The following GALNT9 variants were observed in gnomAD, a reference collection of about 807,000 sequenced individuals.
GALNT9 encodes the protein polypeptide N-acetylgalactosaminyltransferase 9.
A neutral mutation model predicts 63.1 loss-of-function variants in GALNT9; 47 were observed. The observed-to-expected ratio is 0.75, with a 90% CI of 0.59 to 0.95. The LOEUF is 0.95. GALNT9 is among the 40% of genes least tolerant of loss of function. The pLI, the probability that GALNT9 is intolerant of heterozygous loss-of-function variation, is 0.00. For missense variants in GALNT9, 829 were observed against 874.8 expected (o/e 0.95, Z 0.66); for synonymous variants, 396 against 365.7 (o/e 1.08, Z -0.94).
rs143387148 is a variant in GALNT9 at position 132,254,165 on chromosome 12, G to A, written c.959+3524C>T. On this transcript the variant is annotated intron_variant, in intron 5 of 10. Transcript: ENST00000328957. ...GCCTCCCAAGTAGTTGGGATTACAG[G>A]CACCTGACACCACGCCCTGCGAATT... Among the ~76,000 whole-genome samples the A allele has an allele frequency of 3.5e-3, 534 of 152,114 alleles. 3 individuals are homozygous for A. Among genetic ancestry groups the A allele is most frequent in the African/African-American group, 0.012 (500 of 41,502 alleles).
Position 132,197,915 on chromosome 12 carries a change from C to T in GALNT9, c.1542G>A (p.Leu514=), listed in dbSNP as rs957607464. 6 of 1,611,536 alleles carry T rather than the reference C, an allele frequency of 3.7e-6. No homozygotes were observed. Among genetic ancestry groups the T allele is most frequent in the Admixed American group, 3.3e-5 (2 of 59,948 alleles). ...SADGLLQLGP[L]GSTAFLPDSK... ...AGTCAGGCAAGAAGGCTGTGGAGCC[C>T]AGAGGCCCCAGCTGCAGCAGTCCAT... The change falls in exon 10 of 11, where the codon CTG becomes CTA. Residue 514 remains leucine (L), a synonymous_variant. Transcript: ENST00000328957.
Position 132,310,468 on chromosome 12 carries a change from G to A in GALNT9, c.238+18498C>T, listed in dbSNP as rs1881773945. ...GGACGGGGCCGGCCATCTCCTGGAG[G>A]CTGAGAGCCCTCCGGGAAAGCAGGC... On this transcript the variant is annotated intron_variant, in intron 1 of 10. Transcript: ENST00000328957. The surrounding 1 kb of genome is among the most constrained non-coding windows in gnomAD (Gnocchi z 4.8). Among the ~76,000 whole-genome samples the A allele has an allele frequency of 6.6e-6, 1 of 152,152 alleles. No individual in the cohort carries two copies. Among genetic ancestry groups the A allele is most frequent in the African/African-American group, 2.4e-5 (1 of 41,426 alleles).
chr12:132,328,901 C>T (rs782528501), intron 1 of GALNT9, 65 bp downstream of exon 1: 143 of 1,423,660 alleles, frequency 1.0e-4, no homozygotes, highest in Non-Finnish European at 1.3e-4. Flanking sequence ...CCTGACCCAT[C>T]GCGCCCGGGG....
At chr12:132,293,329 A>G (rs1046671302) in intron 1 of GALNT9, among the ~76,000 whole-genome samples, 8 of 152,098 alleles carry the variant, frequency 5.3e-5, no homozygotes, top group Non-Finnish European at 1.0e-4. Flanking sequence ...TCCAGGGGGA[A>G]CTCTGGGCTC....
intron 7 of GALNT9, among the ~76,000 whole-genome samples, chr12:132,201,941 C>T (rs558127681): frequency 1.6e-3 from 247 of 152,284 alleles, no homozygotes; most frequent in African/African-American, 5.6e-3. Flanking sequence ...GACGGACAGC[C>T]AGCCCTGAGG....
At chr12:132,292,578 G>A (rs998878075) in intron 1 of GALNT9, among the ~76,000 whole-genome samples, 8 of 152,194 alleles carry the variant, frequency 5.3e-5, no homozygotes, top group South Asian at 4.1e-4. Flanking sequence ...CCCTGGCCCC[G>A]GCATTCACCC....
intron 6 of GALNT9, among the ~76,000 whole-genome samples, chr12:132,207,257 C>T (rs963196361): frequency 2.0e-5 from 3 of 152,180 alleles, no homozygotes; most frequent in Admixed American, 1.3e-4. Flanking sequence ...GGCTCAGCTC[C>T]GCAGGACAGG....
At chr12:132,254,649 C>T (rs949657562) in intron 5 of GALNT9, among the ~76,000 whole-genome samples, 2 of 152,146 alleles carry the variant, frequency 1.3e-5, no homozygotes, top group Admixed American at 6.5e-5. Context: ...CAAACTTACA[C>T]GAAGGTCAGG....
intron 1 of GALNT9, among the ~76,000 whole-genome samples, chr12:132,302,979 G>A (rs2135575822): frequency 1.3e-5 from 2 of 152,224 alleles, no homozygotes; most frequent in East Asian, 3.9e-4. Flanking sequence ...GGGGGGCGAG[G>A]GTGGAACCCA....
intron 6 of GALNT9, among the ~76,000 whole-genome samples, chr12:132,207,584 G>T (rs1876771860): frequency 6.6e-6 from 1 of 152,116 alleles, no homozygotes; most frequent in Non-Finnish European, 1.5e-5. Flanking sequence ...TCGGCCCTCG[G>T]GTCCCCCACC....
At chr12:132,298,944 C>A (rs1881182480) in intron 1 of GALNT9, among the ~76,000 whole-genome samples, 1 of 148,644 alleles carries the variant, frequency 6.7e-6, no homozygotes, top group Non-Finnish European at 1.5e-5. Context: ...CAGAGATAAA[C>A]AACCCACTCC....
chr12:132,272,861 C>G (rs1879918058), intron 2 of GALNT9: 3 of 152,300 alleles, frequency 2.0e-5, no homozygotes. Context: ...CTCTGGACCT[C>G]GTGTGCCTTC....
chr12:132,236,451 G>C lies in GALNT9; in HGVS notation c.1077+11459C>G, dbSNP rs1555236338. On this transcript the variant is annotated intron_variant, in intron 6 of 10. Coordinates refer to ENST00000328957, the MANE Select transcript of GALNT9 (RefSeq NM_001122636.2). The surrounding 1 kb of genome is among the most constrained non-coding windows in gnomAD (Gnocchi z 5.6). ...AGCTCCCTGAGGCCCCATAGCACCT[G>C]TCATCACGGCTGCCAGGGAGTCAGC... 6.6e-6 allele frequency among the ~76,000 whole-genome samples: 1 copy of C among 151,926 alleles called. No individual in the cohort carries two copies. The highest frequency in any genetic ancestry group is 1.5e-5 in the Non-Finnish European group (1 of 67,978).
chr12:132,197,042 A>T lies in GALNT9; in HGVS notation c.*65T>A. ...TGTGTCTGCCGGGCACACCCCGGTC[A>T]CTCAGCCACACTGGCTCGGCCCAGC... On this transcript the variant is annotated 3_prime_UTR_variant, in exon 11 of 11. Coordinates refer to ENST00000328957, the MANE Select transcript of GALNT9 (RefSeq NM_001122636.2). 6.3e-7 allele frequency: 1 copy of T among 1,591,518 alleles called. No homozygotes were observed. The highest frequency in any genetic ancestry group is 8.6e-7 in the Non-Finnish European group (1 of 1,166,460).
At chr12:132,313,237 C>G (rs1031446445) in intron 1 of GALNT9, among the ~76,000 whole-genome samples, 10 of 145,878 alleles carry the variant, frequency 6.9e-5, no homozygotes, top group African/African-American at 2.5e-4. Flanking sequence ...GCCCATCCAC[C>G]AACTCACCCA....
chr12:132,278,032 T>G (rs1880176922), intron 2 of GALNT9: 1 of 120,716 alleles, frequency 8.3e-6, no homozygotes, highest in Non-Finnish European at 1.7e-5. Context: ...CCCTCTCTGG[T>G]TTTTCTAAAC....
At chr12:132,205,065 A>C (rs192608613) in intron 6 of GALNT9, among the ~76,000 whole-genome samples, 531 of 152,252 alleles carry the variant, frequency 3.5e-3, no homozygotes, top group Non-Finnish European at 6.0e-3. Flanking sequence ...GCCTCTGCCC[A>C]GCTGAGCTCG....
Position 132,203,671 on chromosome 12 carries a change from C to T in GALNT9, c.1097G>A (p.Ser366Asn), listed in dbSNP as rs1169854538. ...GCGGGAGCAGGGCAGCACCTCCATG[C>T]TGCCGCCACACTGCCACACCTGCGG... ...LGMRVWQCGG[S>N]MEVLPCSRVA... The change falls in exon 7 of 11, where the codon AGC becomes AAC. Residue 366 changes from serine to asparagine, a missense_variant. Ser to Asn is a conservative substitution (Grantham distance 46). Coordinates refer to ENST00000328957, the MANE Select transcript of GALNT9 (RefSeq NM_001122636.2). The T allele has an allele frequency of 1.2e-6, 2 of 1,612,966 alleles. No individual in the cohort carries two copies. Among genetic ancestry groups the T allele is most frequent in the Non-Finnish European group, 1.7e-6 (2 of 1,179,686 alleles).
At chr12:132,197,646 A>G (rs1468649170) in intron 10 of GALNT9, 146 bp downstream of exon 10, 2 of 652,098 alleles carry the variant, frequency 3.1e-6, no homozygotes, top group Non-Finnish European at 5.3e-6. Flanking sequence ...ATAAGGGAAC[A>G]GCTGATCCAA....
Sources: gnomAD v4.1 joint callset for allele counts (sites outside exome capture counted in the v4.1 genomes callset) on GRCh38, gnomAD v4.1.1 for gene constraint, Gnocchi (gnomAD v3.1) non-coding constraint, MANE v1.5 for transcripts, NCBI Gene and HGNC (gene_info 2026-07-23, HGNC 2026-07-21) for gene names.